PMFBP1: variants seen among roughly 807,000 people sequenced by gnomAD.
The protein encoded by PMFBP1 is polyamine-modulated factor 1-binding protein 1.
In PMFBP1, 131 loss-of-function variants were observed where a neutral mutation model predicts 137.8. That is an observed-to-expected ratio of 0.95 (90% CI 0.82 to 1.10). The LOEUF (loss-of-function observed/expected upper bound fraction) is 1.10. Among genes scored for constraint, PMFBP1 ranks in the 50% least tolerant of loss-of-function variants. The pLI, the probability that PMFBP1 is intolerant of heterozygous loss-of-function variation, is 0.00. For synonymous variants in PMFBP1, 490 were observed against 450.4 expected (o/e 1.09, Z -1.11); for missense variants, 1,199 against 1,175.4 (o/e 1.02, Z -0.29).
chr16:72,213,679 T>C, the PMFBP1 span, among the ~76,000 whole-genome samples: 2 of 152,228 alleles, frequency 1.3e-5, no homozygotes, highest in African/African-American at 4.8e-5. Context: ...AATTGTAAGA[T>C]AATAAATACT....
At chr16:72,217,117 G>A in the PMFBP1 span, among the ~76,000 whole-genome samples, 1 of 152,098 alleles carries the variant, frequency 6.6e-6, no homozygotes, top group Non-Finnish European at 1.5e-5. Flanking sequence ...TCTCTAGTCC[G>A]TGCATCTAGG....
In PMFBP1 at chr16:72,154,471, A is replaced by G; in HGVS notation, c.166-12T>C. The G allele has an allele frequency of 6.2e-7, 1 of 1,610,210 alleles. No homozygotes were observed. On this transcript the variant is annotated splice_polypyrimidine_tract_variant and intron_variant, in intron 3 of 20. Coordinates refer to ENST00000237353, the MANE Select transcript of PMFBP1 (RefSeq NM_031293.3). ...GCTTGCTTCTTGTCCTACCATAGAG[A>G]CAGGATATACAAAAAAGGCTTTAGA...
chr16:72,242,811 G>A, the PMFBP1 span, among the ~76,000 whole-genome samples: 1 of 152,166 alleles, frequency 6.6e-6, no homozygotes, highest in African/African-American at 2.4e-5. Context: ...ATATAAAAAG[G>A]CAGTAAGAAT....
At chr16:72,165,406 TTTTC>T (rs771252117) in intron 2 of PMFBP1, among the ~76,000 whole-genome samples, 13 of 151,976 alleles carry the variant, frequency 8.6e-5, no homozygotes, top group Admixed American at 2.0e-4. Flanking sequence ...AGTGCTTTTC[TTTTC>T]TTTCTTTCTT....
At chr16:72,149,902 G>A (rs750986572) in intron 5 of PMFBP1, among the ~76,000 whole-genome samples, 11 of 152,140 alleles carry the variant, frequency 7.2e-5, no homozygotes, top group Non-Finnish European at 1.2e-4. Context: ...CACAAGCCCC[G>A]AGAGGATTCT....
upstream of PMFBP1, among the ~76,000 whole-genome samples, chr16:72,181,033 G>A (rs183927868): frequency 6.6e-6 from 1 of 152,166 alleles, no homozygotes; most frequent in Non-Finnish European, 1.5e-5. Context: ...GAGGTCAAGA[G>A]ATCGAGACCA....
At chr16:72,203,863 G>A in the PMFBP1 span, among the ~76,000 whole-genome samples, 3 of 152,166 alleles carry the variant, frequency 2.0e-5, no homozygotes, top group Middle Eastern at 3.2e-3. Flanking sequence ...GGGCAATTGG[G>A]CTAGGACATT....
At chr16:72,202,624 A>T in the PMFBP1 span, among the ~76,000 whole-genome samples, 1 of 152,198 alleles carries the variant, frequency 6.6e-6, no homozygotes, top group Non-Finnish European at 1.5e-5. Flanking sequence ...ATTATTGCAG[A>T]GTTCCCATTA....
At chr16:72,243,254 G>A in the PMFBP1 span, among the ~76,000 whole-genome samples, 5 of 152,270 alleles carry the variant, frequency 3.3e-5, no homozygotes, top group Non-Finnish European at 7.4e-5. Flanking sequence ...AATAATAATA[G>A]TGATGTTATG....
chr16:72,180,839 T>G (rs183274455), upstream of PMFBP1, among the ~76,000 whole-genome samples: 296 of 152,348 alleles, frequency 1.9e-3, 2 homozygotes, highest in African/African-American at 6.9e-3. Context: ...AGTGCTCCCG[T>G]GGTCCCGGTA....
upstream of PMFBP1, among the ~76,000 whole-genome samples, chr16:72,180,495 G>A (rs532628726): frequency 8.5e-5 from 13 of 152,262 alleles, no homozygotes; most frequent in South Asian, 2.5e-3. Context: ...TGAAGCCGCA[G>A]CAATGTGTTT....
At chr16:72,197,520 G>A in the PMFBP1 span, among the ~76,000 whole-genome samples, 8 of 152,170 alleles carry the variant, frequency 5.3e-5, no homozygotes, top group Admixed American at 5.2e-4. Flanking sequence ...TGTCTGGGAG[G>A]AGTACAGAGA....
At chr16:72,216,326 C>A in the PMFBP1 span, among the ~76,000 whole-genome samples, 1 of 152,208 alleles carries the variant, frequency 6.6e-6, no homozygotes, top group South Asian at 2.1e-4. Context: ...TTTGTCATCA[C>A]AGCTTAGCCT....
chr16:72,221,017 C>T, the PMFBP1 span, among the ~76,000 whole-genome samples: 9 of 152,104 alleles, frequency 5.9e-5, no homozygotes, highest in South Asian at 1.0e-3. Context: ...TCAGCCTAAG[C>T]GAACCTAGAG....
chr16:72,187,112 C>CAAAAA, the PMFBP1 span, among the ~76,000 whole-genome samples: 1 of 112,932 alleles, frequency 8.9e-6, no homozygotes, highest in African/African-American at 3.8e-5. Flanking sequence ...GACTCCATCT[C>CAAAAA]AAAAAAAAAA....
chr16:72,139,444 G>T, intron 6 of PMFBP1, 45 bp from the exon 7 acceptor site: 1 of 1,377,610 alleles, frequency 7.3e-7, no homozygotes, highest in Non-Finnish European at 1.0e-6. Flanking sequence ...TCAATGGAAC[G>T]TGCTTGTTAC....
the PMFBP1 span, among the ~76,000 whole-genome samples, chr16:72,201,149 TC>T: frequency 6.6e-6 from 1 of 152,006 alleles, no homozygotes; most frequent in Non-Finnish European, 1.5e-5. Flanking sequence ...TCCCAGCTCT[TC>T]CCCCCTCCCC....
upstream of PMFBP1, among the ~76,000 whole-genome samples, chr16:72,175,922 G>C (rs1313529245): frequency 6.6e-6 from 1 of 152,218 alleles, no homozygotes; most frequent in East Asian, 1.9e-4. Flanking sequence ...CAGAAAGTAT[G>C]ATTGGAGCCA....
At chr16:72,182,325 A>G in the PMFBP1 span, among the ~76,000 whole-genome samples, 22 of 152,184 alleles carry the variant, frequency 1.4e-4, no homozygotes, top group African/African-American at 4.6e-4. Flanking sequence ...GCAAAAACCT[A>G]TCTCTACTAA....
Sources: allele counts gnomAD v4.1 joint callset (sites outside exome capture counted in the v4.1 genomes callset), GRCh38; gene constraint gnomAD v4.1.1; transcripts MANE v1.5; gene names NCBI Gene and HGNC (gene_info 2026-07-23, HGNC 2026-07-21).